Variants in NOL4L observed in about 807,000 individuals in gnomAD.
NOL4L encodes nucleolar protein 4-like.
Under a neutral mutation model 64.5 loss-of-function variants are expected in NOL4L, and 7 were observed. That is an observed-to-expected ratio of 0.11 (90% confidence interval 0.06 to 0.20). The LOEUF (loss-of-function observed/expected upper bound fraction) is 0.20, where lower values mean the gene tolerates loss of function less well. Among genes scored for constraint, NOL4L ranks in the 10% least tolerant of loss-of-function variants. The pLI, the probability that NOL4L is intolerant of heterozygous loss-of-function variation, is 1.00. For synonymous variants in NOL4L, 413 were observed against 401.0 expected, an observed-to-expected ratio of 1.03 and a Z score of -0.36; for missense variants, 680 against 967.1, an observed-to-expected ratio of 0.70 and a Z score of 3.94.
intron 1 of NOL4L, among the ~76,000 whole-genome samples, chr20:32,580,357 A>G (rs1980391786): frequency 6.6e-6 from 1 of 152,136 alleles, no homozygotes; most frequent in Non-Finnish European, 1.5e-5. Flanking sequence ...ATATTGAGGG[A>G]CTCAACCAAA....
chr20:32,564,322 G>A (rs901279400), intron 1 of NOL4L, among the ~76,000 whole-genome samples: 15 of 152,188 alleles, frequency 9.9e-5, no homozygotes, highest in Admixed American at 3.3e-4. Flanking sequence ...TCTTCTGGAC[G>A]CTCTGCGTGT....
chr20:32,490,662 A>C (rs906799204), intron 4 of NOL4L, among the ~76,000 whole-genome samples: 3 of 152,182 alleles, frequency 2.0e-5, no homozygotes, highest in African/African-American at 7.2e-5. Flanking sequence ...ATTTAGATAA[A>C]TTTTCCATTA....
At chr20:32,558,330 C>T (rs1425797678) in intron 1 of NOL4L, among the ~76,000 whole-genome samples, 1 of 149,876 alleles carries the variant, frequency 6.7e-6, no homozygotes, top group Admixed American at 6.6e-5. Context: ...CTGAAATCCG[C>T]ATCGTAATCT....
chr20:32,535,993 G>T, intron 1 of NOL4L: 1 of 985,608 alleles, frequency 1.0e-6, no homozygotes, highest in Non-Finnish European at 1.2e-6. Context: ...TGAAGTCACA[G>T]GCCTAAGGAC....
intron 4 of NOL4L, among the ~76,000 whole-genome samples, chr20:32,506,906 C>T (rs1324697731): frequency 1.3e-5 from 2 of 152,144 alleles, no homozygotes; most frequent in Non-Finnish European, 2.9e-5. Context: ...ACCTCCATCA[C>T]GTGGGCTCAG....
At position 32,452,322 on chromosome 20, in the gene NOL4L, C is replaced by G; in HGVS notation, c.1736G>C (p.Gly579Ala). The change falls in exon 10 of 11, where the codon GGC (glycine) becomes GCC (alanine). Residue 579 changes from glycine (G) to alanine (A), a missense_variant. This residue lies in a region of NOL4L where 175 missense variants were observed against 227.0 expected (regional missense o/e 0.77). Coordinates refer to ENST00000621426, the MANE Select transcript of NOL4L (RefSeq NM_001256798.2). ...GTACCCGCGGTAACTGTAGTTGAGGCCGCCGTTGGCGTACACAGGGTCCTG... is the reference window on the plus strand; with the variant it reads ...GTACCCGCGGTAACTGTAGTTGAGGGCGCCGTTGGCGTACACAGGGTCCTG... ...YSQDPVYANG[G>A]LNYSYRGYGA... 1 of 1,609,094 alleles carries G rather than the reference C, an allele frequency of 6.2e-7. No homozygotes were observed. The highest frequency in any genetic ancestry group is 8.5e-7 in the Non-Finnish European group (1 of 1,177,276).
At chr20:32,565,299 A>C (rs1486347450) in intron 1 of NOL4L, among the ~76,000 whole-genome samples, 4 of 151,614 alleles carry the variant, frequency 2.6e-5, no homozygotes, top group Non-Finnish European at 5.9e-5. Flanking sequence ...CCTGCCCCAG[A>C]CTCTGCCTGC....
chr20:32,485,079 AAAAAAAAAC>A (rs1350960040), intron 4 of NOL4L, among the ~76,000 whole-genome samples: 119 of 147,642 alleles, frequency 8.1e-4, no homozygotes, highest in South Asian at 1.7e-3. Context: ...AAAAAAAAAA[AAAAAAAAAC>A]AACTAAAAAA....
intron 1 of NOL4L, among the ~76,000 whole-genome samples, chr20:32,572,777 A>G (rs1979832858): frequency 6.6e-6 from 1 of 150,896 alleles, no homozygotes; most frequent in African/African-American, 2.4e-5. Flanking sequence ...GCTGACTACT[A>G]CCCTCCTGGA....
intron 4 of NOL4L, among the ~76,000 whole-genome samples, chr20:32,492,202 G>A (rs2016494354): frequency 6.6e-6 from 1 of 152,164 alleles, no homozygotes; most frequent in South Asian, 2.1e-4. Context: ...CACCAATGAA[G>A]GATGGATACA....
In NOL4L at chr20:32,447,558, T is replaced by G. The variant is rs749406674; in HGVS notation, c.*38A>C. ...AAGCCAGGTCCAGGCTGGGACAGCC[T>G]CCTTCCCTAGGGCAGTGCGCTCCAG... is the stretch of plus-strand genomic sequence containing the variant. On this transcript the variant is annotated 3_prime_UTR_variant, in exon 11 of 11. Coordinates refer to ENST00000621426, the MANE Select transcript of NOL4L (RefSeq NM_001256798.2). 60 of 1,550,300 alleles carry G rather than the reference T, an allele frequency of 3.9e-5. No homozygotes were observed. The highest frequency in any genetic ancestry group is 1.4e-5 in the African/African-American group (1 of 73,634).
chr20:32,481,121 T>C (rs1011892035), intron 4 of NOL4L, among the ~76,000 whole-genome samples: 1 of 152,212 alleles, frequency 6.6e-6, no homozygotes, highest in Non-Finnish European at 1.5e-5. Context: ...CATGTGGTCC[T>C]CTGTTGTCCC....
intron 3 of NOL4L, among the ~76,000 whole-genome samples, chr20:32,517,824 C>T (rs1475607223): frequency 1.3e-5 from 2 of 152,206 alleles, no homozygotes; most frequent in Admixed American, 6.5e-5. Flanking sequence ...AATAGGCTCA[C>T]CCTCACCACC....
At chr20:32,469,564 T>C (rs1011973524) in intron 5 of NOL4L, among the ~76,000 whole-genome samples, 2 of 151,774 alleles carry the variant, frequency 1.3e-5, no homozygotes, top group Non-Finnish European at 2.9e-5. Context: ...AGAGACAGGG[T>C]TTTTCTATGT....
chr20:32,481,351 T>A (rs1358598965), intron 4 of NOL4L, among the ~76,000 whole-genome samples: 1 of 152,226 alleles, frequency 6.6e-6, no homozygotes, highest in Admixed American at 6.5e-5. Context: ...GACAGGGATC[T>A]TCCAGCCAAA....
chr20:32,462,935 G>C (rs1474323011), intron 5 of NOL4L, among the ~76,000 whole-genome samples: 1 of 95,874 alleles, frequency 1.0e-5, no homozygotes, highest in African/African-American at 3.8e-5. Context: ...TGATTTAAAA[G>C]AGACATCGAC....
intron 1 of NOL4L, among the ~76,000 whole-genome samples, chr20:32,553,344 G>A (rs1162562186): frequency 2.0e-5 from 3 of 152,052 alleles, no homozygotes; most frequent in Non-Finnish European, 4.4e-5. Context: ...CAGGGCTCCA[G>A]CCCACTCCAC....
intron 4 of NOL4L, among the ~76,000 whole-genome samples, chr20:32,508,918 G>A (rs1008149498): frequency 6.6e-6 from 1 of 152,142 alleles, no homozygotes; most frequent in Non-Finnish European, 1.5e-5. Flanking sequence ...CTCTGCTGCA[G>A]CCACACCAGC....
intron 1 of NOL4L, among the ~76,000 whole-genome samples, chr20:32,541,041 ACACAC>A (rs1478827657): frequency 6.7e-6 from 1 of 149,826 alleles, no homozygotes; most frequent in Non-Finnish European, 1.5e-5. Context: ...ACACACACAC[ACACAC>A]ACTATTCCCT....
Sources: allele counts gnomAD v4.1 joint callset (sites outside exome capture counted in the v4.1 genomes callset), GRCh38; gene constraint gnomAD v4.1.1; regional missense constraint gnomAD v4.1.1; transcripts MANE v1.5; gene names NCBI Gene and HGNC (gene_info 2026-07-23, HGNC 2026-07-21).